APAF1: variants seen among roughly 807,000 people sequenced by gnomAD.
The protein encoded by APAF1 is apoptotic peptidase activating factor 1.
Under a neutral mutation model 152.4 loss-of-function variants are expected in APAF1, and 91 were observed. The observed-to-expected ratio is 0.60, with a 90% confidence interval of 0.50 to 0.71. The LOEUF is 0.71. Among genes scored for constraint, APAF1 ranks in the 30% least tolerant of loss-of-function variants. The probability of loss-of-function intolerance (pLI) is 0.00; values close to 1 mark genes in which losing one functional copy is unlikely to be tolerated. For synonymous variants in APAF1, 484 were observed against 494.1 expected (o/e 0.98, Z 0.27); for missense variants, 1,283 against 1,472.0 (o/e 0.87, Z 2.10).
chr12:98,671,435 A>G (rs1450862594), intron 11 of APAF1, 100 bp from the exon 12 acceptor site: 2 of 1,155,942 alleles, frequency 1.7e-6, no homozygotes, highest in Non-Finnish European at 2.6e-6. Context: ...CATATAAAGA[A>G]TATTTCATTT....
chr12:98,721,972 G>A (rs1360575036), intron 22 of APAF1, among the ~76,000 whole-genome samples: 3 of 151,976 alleles, frequency 2.0e-5, no homozygotes, highest in African/African-American at 7.3e-5. Context: ...TTATTCTTTT[G>A]GAGCTGGCCT....
chr12:98,732,652 A>G lies in APAF1; in HGVS notation c.*86A>G, dbSNP rs1244582939. ...TGAAACCCTGATATCAACTTTTTATAAAGCTCTTAATTGTTGTGCAGTATT... is the reference window on the plus strand; with the variant it reads ...TGAAACCCTGATATCAACTTTTTATGAAGCTCTTAATTGTTGTGCAGTATT... On this transcript the variant is annotated 3_prime_UTR_variant, in exon 27 of 27. Coordinates refer to ENST00000551964, the MANE Select transcript of APAF1 (RefSeq NM_181861.2). 9.9e-6 allele frequency: 9 copies of G among 907,502 alleles called. No homozygotes were observed. The highest frequency in any genetic ancestry group is 1.4e-5 in the Non-Finnish European group (8 of 585,366). 56.2% of individuals were successfully genotyped at this position (907,502 alleles called of 1,614,324 possible).
chr12:98,725,399 C>T lies in APAF1; in HGVS notation c.3331-16C>T. On this transcript the variant is annotated splice_polypyrimidine_tract_variant and intron_variant, in intron 24 of 26. Transcript: ENST00000551964. The stretch of plus-strand genomic sequence containing the variant: ...AGTGTTTATAGCATTGCTAAACAAT[C>T]CTAATTGCCTTCCAGATCTGGAGTT... 6.2e-7 allele frequency: 1 copy of T among 1,613,906 alleles called. No individual in the cohort carries two copies. Among genetic ancestry groups the T allele is most frequent in the South Asian group, 1.1e-5 (1 of 91,068 alleles).
intron 18 of APAF1, among the ~76,000 whole-genome samples, chr12:98,703,845 T>A (rs2097718424): frequency 6.6e-6 from 1 of 152,226 alleles, no homozygotes; most frequent in Admixed American, 6.5e-5. Flanking sequence ...TTAAACAGTG[T>A]AGGCACAGAC....
intron 18 of APAF1, among the ~76,000 whole-genome samples, chr12:98,705,530 G>T (rs2097720476): frequency 6.6e-6 from 1 of 152,186 alleles, no homozygotes; most frequent in South Asian, 2.1e-4. Context: ...CTATGATGAG[G>T]TACTTGTTTT....
chr12:98,697,434 A>G (rs1286629522), intron 16 of APAF1, among the ~76,000 whole-genome samples: 3 of 152,250 alleles, frequency 2.0e-5, no homozygotes, highest in Non-Finnish European at 4.4e-5. Flanking sequence ...AGTGACTAGC[A>G]TAGTGTTTAA....
intron 15 of APAF1, among the ~76,000 whole-genome samples, chr12:98,686,091 T>G (rs902944510): frequency 6.6e-6 from 1 of 152,254 alleles, no homozygotes; most frequent in Non-Finnish European, 1.5e-5. Flanking sequence ...GTAATATACT[T>G]GGTCCATGTT....
Position 98,645,674 on chromosome 12 carries a change from C to G in APAF1, c.-203C>G, listed in dbSNP as rs1316666407. 6.6e-6 allele frequency: 1 copy of G among 152,282 alleles called. No individual in the cohort carries two copies. Among genetic ancestry groups the G allele is most frequent in the Non-Finnish European group, 1.5e-5 (1 of 68,098 alleles). 9.4% of individuals were successfully genotyped at this position (152,282 alleles called of 1,614,324 possible). A position where few individuals can be genotyped will look rare whatever the true frequency, so the allele number is the denominator to read the frequency against. On this transcript the variant is annotated 5_prime_UTR_variant, in exon 1 of 27. Coordinates refer to ENST00000551964, the MANE Select transcript of APAF1 (RefSeq NM_181861.2). ...ATCCAGGGGAGGCGCCTGTGAGGCCCGGACCTGCCCCGGGGCGAAGGGTAT... is the reference window on the plus strand; with the variant it reads ...ATCCAGGGGAGGCGCCTGTGAGGCCGGGACCTGCCCCGGGGCGAAGGGTAT...
chr12:98,672,097 C>G (rs552120645), intron 12 of APAF1, among the ~76,000 whole-genome samples: 13 of 152,166 alleles, frequency 8.5e-5, no homozygotes, highest in Admixed American at 8.5e-4. Flanking sequence ...AGGTTTTTCT[C>G]TCATATGTAA....
chr12:98,672,114 G>A (rs1388525327), intron 12 of APAF1, among the ~76,000 whole-genome samples: 1 of 152,028 alleles, frequency 6.6e-6, no homozygotes, highest in Non-Finnish European at 1.5e-5. Context: ...GTAAAATGGA[G>A]ATAACAATCC....
chr12:98,712,418 G>A lies in APAF1; in HGVS notation c.2941G>A (p.Glu981Lys). 2 of 1,602,704 alleles carry A rather than the reference G, an allele frequency of 1.2e-6. No homozygotes were observed. Among genetic ancestry groups the A allele is most frequent in the Non-Finnish European group, 1.7e-6 (2 of 1,169,702 alleles). The change falls in exon 21 of 27, where the codon GAA (glutamate) becomes AAA (lysine). Residue 981 changes from glutamate (E) to lysine (K), a missense_variant. Coordinates refer to ENST00000551964, the MANE Select transcript of APAF1 (RefSeq NM_181861.2). The part of the protein sequence containing the change: ...PHLQYIAFGD[E>K]NGAIEILELV... ...TCTTCAGTACATTGCATTTGGAGAT[G>A]AAAATGGAGCCATTGAGGTATTCAG...
chr12:98,677,290 A>C (rs1022830500), intron 12 of APAF1, 135 bp from the exon 13 acceptor site: 18 of 858,246 alleles, frequency 2.1e-5, no homozygotes, highest in Middle Eastern at 2.9e-4. Flanking sequence ...TTTGCATGTT[A>C]GTAATCTGAT....
intron 16 of APAF1, among the ~76,000 whole-genome samples, chr12:98,692,228 G>A (rs1485974251): frequency 6.6e-6 from 1 of 151,946 alleles, no homozygotes; most frequent in Non-Finnish European, 1.5e-5. Context: ...GAGTACAGGC[G>A]CCCGCTGCCA....
chr12:98,731,787 A>T (rs2097762053), intron 26 of APAF1, among the ~76,000 whole-genome samples: 1 of 152,230 alleles, frequency 6.6e-6, no homozygotes, highest in South Asian at 2.1e-4. Context: ...TTGTTAAATG[A>T]ATATAAATAT....
At position 98,648,274 on chromosome 12, in the gene APAF1, C is replaced by T. The variant is rs1360559970; in HGVS notation, c.-41-45C>T. The T allele has an allele frequency of 3.4e-6, 5 of 1,485,550 alleles. No individual in the cohort carries two copies. In the African/African-American group the frequency reaches 4.2e-5, roughly 12 times the overall value. The allele number at this position is 1,485,550 out of a possible 1,614,324, so 92.0% of individuals were successfully genotyped here. On this transcript the variant is annotated intron_variant, in intron 1 of 26. Coordinates refer to ENST00000551964, the MANE Select transcript of APAF1 (RefSeq NM_181861.2). ...TTATTAGTGAGATTATGTATCTTTT[C>T]ATATTTTTATTGGCCTGACAAATAT...
At position 98,702,984 on chromosome 12, in the gene APAF1, G is replaced by A. The variant is rs186340198; in HGVS notation, c.2467-387G>A. Among the ~76,000 whole-genome samples, 368 of 152,208 alleles carry A rather than the reference G, an allele frequency of 2.4e-3. 2 individuals carry two copies. The highest frequency in any genetic ancestry group is 3.4e-3 in the Middle Eastern group (1 of 292). On this transcript the variant is annotated intron_variant, in intron 17 of 26. Transcript: ENST00000551964. ...AAATGACTGAGCTAATTTTATTTTA[G>A]CAAACCTCTGCTCTATATTATTTTG...
At position 98,659,347 on chromosome 12, in the gene APAF1, C is replaced by T; in HGVS notation, c.710+4C>T. 6.2e-7 allele frequency: 1 copy of T among 1,614,086 alleles called. No homozygotes were observed. The highest frequency in any genetic ancestry group is 8.5e-7 in the Non-Finnish European group (1 of 1,179,958). On this transcript the variant is annotated splice_donor_region_variant and intron_variant, in intron 5 of 26. Transcript: ENST00000551964. ...TGATGCTTCGCAAACACCCAAGGTA[C>T]CGATGGTCAAATTTAGTTGGTGTGT...
intron 15 of APAF1, 135 bp downstream of exon 15, chr12:98,683,409 A>G: frequency 2.2e-6 from 2 of 914,926 alleles, no homozygotes; most frequent in East Asian, 5.0e-5. Flanking sequence ...TATTAGCTGA[A>G]GCAAAAAAAA....
At chr12:98,683,947 T>C (rs562611425) in intron 15 of APAF1, among the ~76,000 whole-genome samples, 1 of 152,340 alleles carries the variant, frequency 6.6e-6, no homozygotes, top group South Asian at 2.1e-4. Flanking sequence ...TTTGATTGTA[T>C]CTTTTTTTCC....
Sources: gnomAD v4.1 joint callset for allele counts (sites outside exome capture counted in the v4.1 genomes callset) on GRCh38, gnomAD v4.1.1 for gene constraint, MANE v1.5 for transcripts, NCBI Gene and HGNC (gene_info 2026-07-23, HGNC 2026-07-21) for gene names.